The following BCL2L13 variants were observed in gnomAD, a reference collection of about 807,000 sequenced individuals.
BCL2L13 encodes bcl-2-like protein 13.
Under a neutral mutation model 25.8 loss-of-function variants are expected in BCL2L13, and 13 were observed. That is an observed-to-expected ratio of 0.50 (90% CI 0.33 to 0.80). The LOEUF is 0.80. Ranked by LOEUF, BCL2L13 falls within the 30% of genes least tolerant of loss-of-function variation. The pLI, the probability that BCL2L13 is intolerant of heterozygous loss-of-function variation, is 0.02. For synonymous variants in BCL2L13, 244 were observed against 230.3 expected, an observed-to-expected ratio of 1.06 and a Z score of -0.54; for missense variants, 504 against 574.9, an observed-to-expected ratio of 0.88 and a Z score of 1.26.
At chr22:17,652,418 T>C (rs13054588) in intron 1 of BCL2L13, among the ~76,000 whole-genome samples, 21,229 of 152,184 alleles carry the variant, frequency 0.14, 2,030 homozygotes, top group Non-Finnish European at 0.21. Context: ...AACTATTTTA[T>C]GTAAAGTGTT....
intron 6 of BCL2L13, among the ~76,000 whole-genome samples, chr22:17,713,460 A>ATT (rs34378723): frequency 0.017 from 2,286 of 132,128 alleles, 70 homozygotes; most frequent in East Asian, 0.04. Context: ...TTGAAAATGC[A>ATT]TTTTTTTTTT....
At chr22:17,677,877 A>C (rs560287597) in intron 2 of BCL2L13, among the ~76,000 whole-genome samples, 3 of 151,580 alleles carry the variant, frequency 2.0e-5, no homozygotes, top group South Asian at 4.2e-4. Context: ...CAAAAAAAAA[A>C]CAAAAAAACC....
At chr22:17,634,127 T>C (rs1262911014), upstream of BCL2L13, among the ~76,000 whole-genome samples, 1 of 152,174 alleles carries the variant, frequency 6.6e-6, no homozygotes, top group Non-Finnish European at 1.5e-5. Context: ...CTCTCTCACC[T>C]TCTTCTCTAT....
chr22:17,630,684 G>A (rs1327802339), intron 1 of BCL2L13, among the ~76,000 whole-genome samples: 6 of 147,744 alleles, frequency 4.1e-5, no homozygotes, highest in East Asian at 4.1e-4. Context: ...TCCGCCTCCC[G>A]GGTTCAATTG....
intron 4 of BCL2L13, among the ~76,000 whole-genome samples, chr22:17,693,293 TAGGTCAC>T (rs1250303137): frequency 1.3e-5 from 2 of 151,202 alleles, no homozygotes; most frequent in Non-Finnish European, 2.9e-5. Flanking sequence ...AAGGAAGTCA[TAGGTCAC>T]AGTGGACAGA....
At chr22:17,684,334 G>A (rs982018265) in intron 3 of BCL2L13, among the ~76,000 whole-genome samples, 1 of 151,996 alleles carries the variant, frequency 6.6e-6, no homozygotes, top group Non-Finnish European at 1.5e-5. Context: ...TAATAATAAA[G>A]TACAATTCAG....
intron 6 of BCL2L13, among the ~76,000 whole-genome samples, chr22:17,717,082 A>G (rs1272587089): frequency 6.6e-6 from 1 of 152,154 alleles, no homozygotes; most frequent in Admixed American, 6.5e-5. Context: ...ATATGATGAT[A>G]CTTTTCAGCA....
chr22:17,655,300 C>CTTTTTT (rs71201856), intron 1 of BCL2L13, among the ~76,000 whole-genome samples: 1 of 138,850 alleles, frequency 7.2e-6, no homozygotes, highest in East Asian at 2.1e-4. Context: ...TTACAGTTCA[C>CTTTTTT]TTTTTTTTTT....
At chr22:17,724,485 T>C (rs1008378) in intron 6 of BCL2L13, among the ~76,000 whole-genome samples, 45,620 of 152,066 alleles carry the variant, frequency 0.3, 7,344 homozygotes, top group Non-Finnish European at 0.34. Flanking sequence ...AGAACATCCT[T>C]GATGCTTACC....
chr22:17,702,245 T>G lies in BCL2L13; in HGVS notation c.459T>G (p.Ile153Met). ...ATTCTCTCATCTTTGCATTGAAGAT[T>G]TTGGTGCCTCTGGTTTTGCTACGAC... ...TTVHASGWNK[I>M]LVPLVLLRQM... Residue 153 changes from isoleucine (I) to methionine (M), a missense_variant and splice_region_variant, in exon 6 of 7, where the codon ATT becomes ATG. By Grantham distance (10) the Ile-to-Met change is conservative. Coordinates refer to ENST00000317582, the MANE Select transcript of BCL2L13 (RefSeq NM_015367.4). The G allele has an allele frequency of 6.2e-7, 1 of 1,600,424 alleles. No individual in the cohort carries two copies. Among genetic ancestry groups the G allele is most frequent in the Non-Finnish European group, 8.5e-7 (1 of 1,174,638 alleles).
upstream of BCL2L13, among the ~76,000 whole-genome samples, chr22:17,635,286 C>T (rs1333507879): frequency 6.6e-6 from 1 of 151,900 alleles, no homozygotes; most frequent in Non-Finnish European, 1.5e-5. Flanking sequence ...ACCTGTAATC[C>T]CAGCACTTTG....
In BCL2L13 at chr22:17,672,457, C is replaced by T. The variant is rs541930738; in HGVS notation, c.122-10757C>T. On this transcript the variant is annotated intron_variant, in intron 2 of 6. Transcript: ENST00000317582. The stretch of plus-strand genomic sequence containing the variant: ...CTGACTCACTTGACTTCATTTGAAA[C>T]AAGTGGGTGGGACTTAGTGTGCTAA... 2.0e-5 allele frequency among the ~76,000 whole-genome samples: 3 copies of T among 152,304 alleles called. No homozygotes were observed. The South Asian group carries it at 6.2e-4, about 32-fold the overall frequency.
At position 17,696,221 on chromosome 22, in the gene BCL2L13, A is replaced by G; in HGVS notation, c.456+11A>G. On this transcript the variant is annotated intron_variant, in intron 5 of 6. Transcript: ENST00000317582. ...AGCGGCTGGAATAAGGTATCATCACAATGATCTTTTCTCTTAAAAGATTTT... is the reference window on the plus strand; with the variant it reads ...AGCGGCTGGAATAAGGTATCATCACGATGATCTTTTCTCTTAAAAGATTTT... 1 of 1,609,260 alleles carries G rather than the reference A, an allele frequency of 6.2e-7. No individual in the cohort carries two copies. The highest frequency in any genetic ancestry group is 8.5e-7 in the Non-Finnish European group (1 of 1,175,694).
rs1465198487 is a variant in BCL2L13 at position 17,689,024 on chromosome 22, G to A, written c.268G>A (p.Val90Met). 1.9e-6 allele frequency: 3 copies of A among 1,613,974 alleles called. No individual in the cohort carries two copies. Among genetic ancestry groups the A allele is most frequent in the Non-Finnish European group, 2.5e-6 (3 of 1,179,988 alleles). The change falls in exon 4 of 7, where the codon GTG (valine) becomes ATG (methionine). Residue 90 changes from valine (V) to methionine (M), a missense_variant. Coordinates refer to ENST00000317582, the MANE Select transcript of BCL2L13 (RefSeq NM_015367.4). ...AGGCTTTGACCGTCACACTTCTCCA[G>A]TGTTCAGCCCTGCCAATCCAGAAAG... ...STGFDRHTSP[V>M]FSPANPESSM...
chr22:17,657,823 C>CTTTTTTTTTTTTTTTTTT (rs71201859), intron 2 of BCL2L13, among the ~76,000 whole-genome samples: 1 of 85,764 alleles, frequency 1.2e-5, no homozygotes, highest in Non-Finnish European at 2.1e-5. Flanking sequence ...GTTGACATTT[C>CTTTTTTTTTTTTTTTTTT]TTTTTTTTTT....
chr22:17,708,229 A>C (rs2060645824), intron 6 of BCL2L13, among the ~76,000 whole-genome samples: 1 of 152,304 alleles, frequency 6.6e-6, no homozygotes, highest in South Asian at 2.1e-4. Context: ...CACCAAGTAT[A>C]ACATGTTCTA....
rs942606820 is a variant in BCL2L13, at chr22:17,638,824, C to T, written c.-113C>T. ...GGAGCACTCACCGCCGCTGGGGGACCCTGTCGGAAGCAACTGCCGCCGCCG... is the reference window on the plus strand; with the variant it reads ...GGAGCACTCACCGCCGCTGGGGGACTCTGTCGGAAGCAACTGCCGCCGCCG... On this transcript the variant is annotated 5_prime_UTR_variant, in exon 1 of 7. Transcript: ENST00000317582. The T allele has an allele frequency of 5.7e-6, 7 of 1,232,086 alleles. No homozygotes were observed. The East Asian group carries it at 1.6e-4, about 28-fold the overall frequency. 76.3% of individuals were successfully genotyped at this position (1,232,086 alleles called of 1,614,324 possible).
At chr22:17,640,924 T>C (rs1386042584) in intron 1 of BCL2L13, among the ~76,000 whole-genome samples, 1 of 150,732 alleles carries the variant, frequency 6.6e-6, no homozygotes, top group African/African-American at 2.4e-5. Flanking sequence ...GGAGTGTCGC[T>C]CTGTCGCCCA....
intron 6 of BCL2L13, among the ~76,000 whole-genome samples, chr22:17,725,272 ATTCAGGTTCC>A (rs2061264304): frequency 6.6e-6 from 1 of 152,250 alleles, no homozygotes. Flanking sequence ...CTTAGCTGTC[ATTCAGGTTCC>A]TCCATGGTCC....
Sources: allele counts gnomAD v4.1 joint callset (sites outside exome capture counted in the v4.1 genomes callset), GRCh38; gene constraint gnomAD v4.1.1; transcripts MANE v1.5; gene names NCBI Gene and HGNC (gene_info 2026-07-23, HGNC 2026-07-21).